TUSC3: variants seen among roughly 807,000 people sequenced by gnomAD.
TUSC3 encodes the protein dolichyl-diphosphooligosaccharide--protein glycosyltransferase subunit TUSC3.
A neutral mutation model predicts 44.8 loss-of-function variants in TUSC3; 45 were observed. The observed-to-expected ratio is 1.00, with a 90% CI of 0.79 to 1.29. The LOEUF (loss-of-function observed/expected upper bound fraction) is 1.29, where lower values mean the gene tolerates loss of function less well. Among genes scored for constraint, TUSC3 ranks in the 50% most tolerant of loss-of-function variants. The pLI is 0.00. For synonymous variants in TUSC3, 212 were observed against 152.9 expected (o/e 1.39, Z -2.85); for missense variants, 519 against 437.9 (o/e 1.19, Z -1.65).
chr8:15,444,546 C>T (rs1030975833), intron 1 of TUSC3, among the ~76,000 whole-genome samples: 1 of 152,126 alleles, frequency 6.6e-6, no homozygotes. Context: ...CGAACCTGAT[C>T]AGATAGGGAG....
At chr8:15,714,094 C>G (rs1809969387) in intron 6 of TUSC3, among the ~76,000 whole-genome samples, 1 of 152,120 alleles carries the variant, frequency 6.6e-6, no homozygotes. Context: ...GTAACATCTA[C>G]CTCTTTACTC....
chr8:15,519,677 C>T (rs2068033731), intron 2 of TUSC3, among the ~76,000 whole-genome samples: 1 of 152,126 alleles, frequency 6.6e-6, no homozygotes, highest in South Asian at 2.1e-4. Flanking sequence ...CTCCTGCATC[C>T]CCACCATCCG....
intron 6 of TUSC3, among the ~76,000 whole-genome samples, chr8:15,679,242 T>G (rs2129185008): frequency 6.6e-6 from 1 of 152,280 alleles, no homozygotes; most frequent in East Asian, 1.9e-4. Context: ...AAGCATTCCC[T>G]TTTCTCCACA....
intron 1 of TUSC3, among the ~76,000 whole-genome samples, chr8:15,585,193 A>G (rs76172360): frequency 0.083 from 12,699 of 152,180 alleles, 599 homozygotes; most frequent in Middle Eastern, 0.14. Flanking sequence ...TGGCATTAGG[A>G]ATACAGATGT....
At chr8:15,663,055 T>C (rs1034894951) in intron 5 of TUSC3, among the ~76,000 whole-genome samples, 3 of 151,756 alleles carry the variant, frequency 2.0e-5, no homozygotes, top group African/African-American at 7.3e-5. Flanking sequence ...GTTCAGCAGT[T>C]CCCAGCTCAC....
At chr8:15,606,446 C>T (rs1016165954) in intron 1 of TUSC3, among the ~76,000 whole-genome samples, 4 of 151,954 alleles carry the variant, frequency 2.6e-5, no homozygotes, top group African/African-American at 7.2e-5. Context: ...ACACTTAACA[C>T]GTGATTTTTG....
downstream of TUSC3, among the ~76,000 whole-genome samples, chr8:15,769,994 A>C (rs1812412797): frequency 6.6e-6 from 1 of 152,218 alleles, no homozygotes; most frequent in Non-Finnish European, 1.5e-5. Context: ...CCATTGTGGA[A>C]GACAGTGTGG....
intron 3 of TUSC3, among the ~76,000 whole-genome samples, chr8:15,659,217 G>C (rs192005339): frequency 6.6e-6 from 1 of 151,712 alleles, no homozygotes; most frequent in Non-Finnish European, 1.5e-5. Flanking sequence ...CCTAATTATA[G>C]AATTCAAGAA....
At chr8:15,640,760 G>T (rs1437444127) in intron 2 of TUSC3, among the ~76,000 whole-genome samples, 1 of 152,084 alleles carries the variant, frequency 6.6e-6, no homozygotes, top group African/African-American at 2.4e-5. Flanking sequence ...TTCTCTCCTG[G>T]ATCCAAGGGG....
intron 10 of TUSC3, among the ~76,000 whole-genome samples, chr8:15,761,826 G>A (rs933178486): frequency 6.6e-6 from 1 of 152,084 alleles, no homozygotes; most frequent in South Asian, 2.1e-4. Flanking sequence ...ACATTTTTGT[G>A]ATAGGCATTA....
At chr8:15,493,058 G>A (rs1800831399) in intron 2 of TUSC3, among the ~76,000 whole-genome samples, 1 of 151,994 alleles carries the variant, frequency 6.6e-6, no homozygotes. Flanking sequence ...TGTGTTCTAT[G>A]AACAGTGCTA....
At chr8:15,563,087 A>G (rs1802538147) in intron 1 of TUSC3, among the ~76,000 whole-genome samples, 1 of 152,130 alleles carries the variant, frequency 6.6e-6, no homozygotes, top group Non-Finnish European at 1.5e-5. Context: ...GATTTTATGT[A>G]GTTTTAAATG....
chr8:15,788,539 T>G, the TUSC3 span, among the ~76,000 whole-genome samples: 3 of 134,734 alleles, frequency 2.2e-5, no homozygotes, highest in African/African-American at 6.0e-5. Flanking sequence ...AGAGTGAGAC[T>G]CTATCTCAAA....
At chr8:15,793,754 G>C in the TUSC3 span, among the ~76,000 whole-genome samples, 1 of 152,156 alleles carries the variant, frequency 6.6e-6, no homozygotes, top group Non-Finnish European at 1.5e-5. Flanking sequence ...CCAAAATGTG[G>C]AACAACACCT....
chr8:15,793,223 A>G, the TUSC3 span, among the ~76,000 whole-genome samples: 215 of 152,084 alleles, frequency 1.4e-3, 2 homozygotes, highest in Non-Finnish European at 2.4e-3. Flanking sequence ...CCAATCATCC[A>G]TCATTTCAGC....
At chr8:15,518,848 A>C (rs1054740615) in intron 2 of TUSC3, among the ~76,000 whole-genome samples, 4 of 152,202 alleles carry the variant, frequency 2.6e-5, no homozygotes, top group African/African-American at 9.6e-5. Flanking sequence ...TCTAAATATG[A>C]AAATATAATC....
At chr8:15,659,203 T>G (rs908097745) in intron 3 of TUSC3, among the ~76,000 whole-genome samples, 10 of 152,134 alleles carry the variant, frequency 6.6e-5, no homozygotes, top group Non-Finnish European at 1.2e-4. Flanking sequence ...TCACTTTTTT[T>G]TACCCTAATT....
At chr8:15,520,419 A>G (rs138624844) in intron 2 of TUSC3, among the ~76,000 whole-genome samples, 183 of 152,316 alleles carry the variant, frequency 1.2e-3, no homozygotes, top group African/African-American at 4.2e-3. Context: ...GGGATAATTT[A>G]TTACGCAAAC....
chr8:15,684,133 C>G (rs1443309064), intron 6 of TUSC3, among the ~76,000 whole-genome samples: 1 of 152,110 alleles, frequency 6.6e-6, no homozygotes, highest in Non-Finnish European at 1.5e-5. Context: ...ATATGACTGC[C>G]TCTCTGGTTT....
Sources: allele counts gnomAD v4.1 joint callset (sites outside exome capture counted in the v4.1 genomes callset), GRCh38; gene constraint gnomAD v4.1.1; transcripts MANE v1.5; gene names NCBI Gene and HGNC (gene_info 2026-07-23, HGNC 2026-07-21).